The following CSMD1 variants were observed in gnomAD, a reference collection of about 807,000 sequenced individuals.
CSMD1 encodes the protein CUB and sushi domain-containing protein 1.
In CSMD1, 213 loss-of-function variants were observed where a neutral mutation model predicts 417.5. The observed-to-expected ratio is 0.51, with a 90% CI of 0.46 to 0.57. CSMD1 has a LOEUF of 0.57. CSMD1 is among the 20% of genes least tolerant of loss of function. CSMD1 has a pLI of 0.00. For synonymous variants in CSMD1, 2,862 were observed against 1,736.8 expected, an observed-to-expected ratio of 1.65 and a Z score of -16.11; for missense variants, 6,923 against 4,529.7, an observed-to-expected ratio of 1.53 and a Z score of -15.17.
chr8:3,261,129 A>G (rs1801031049), intron 26 of CSMD1, among the ~76,000 whole-genome samples: 1 of 152,204 alleles, frequency 6.6e-6, no homozygotes, highest in Admixed American at 6.5e-5. Context: ...GCATCCTTAT[A>G]AGCACACTTA....
intron 3 of CSMD1, among the ~76,000 whole-genome samples, chr8:4,368,943 TC>T (rs1802247052): frequency 1.3e-5 from 2 of 152,148 alleles, no homozygotes; most frequent in Admixed American, 1.3e-4. Flanking sequence ...TTTTAGCAGT[TC>T]AATTTCATTC....
intron 5 of CSMD1, among the ~76,000 whole-genome samples, chr8:3,955,579 T>TAA: frequency 6.6e-6 from 1 of 152,258 alleles, no homozygotes; most frequent in African/African-American, 2.4e-5. Context: ...CCATAGGAGA[T>TAA]TGGTGCTACC....
rs1806291155 is a variant in CSMD1 at position 4,919,463 on chromosome 8, A to G, written c.85+74869T>C. ...AAGGGGGATTTAATGTATATTTTCT[A>G]TTAGCCATTCCCTGGCTATTTGAAG... On this transcript the variant is annotated intron_variant, in intron 1 of 69. Coordinates refer to ENST00000635120, the MANE Select transcript of CSMD1 (RefSeq NM_033225.6). 2.0e-5 allele frequency among the ~76,000 whole-genome samples: 3 copies of G among 152,336 alleles called. 1 individual carries two copies. The South Asian group carries it at 6.2e-4, about 32-fold the overall frequency.
At chr8:3,558,240 G>C (rs1799255767) in intron 10 of CSMD1, among the ~76,000 whole-genome samples, 1 of 149,266 alleles carries the variant, frequency 6.7e-6, no homozygotes, top group South Asian at 2.1e-4. Context: ...ATGACAAATA[G>C]TGCCTCAATA....
chr8:2,979,529 C>A (rs940018286), intron 54 of CSMD1, among the ~76,000 whole-genome samples: 1 of 152,128 alleles, frequency 6.6e-6, no homozygotes, highest in Non-Finnish European at 1.5e-5. Context: ...CTTTGACCCA[C>A]CCCACCAGTG....
intron 1 of CSMD1, among the ~76,000 whole-genome samples, chr8:4,723,118 C>T (rs1319287594): frequency 6.6e-6 from 1 of 152,098 alleles, no homozygotes; most frequent in Non-Finnish European, 1.5e-5. Flanking sequence ...GACTTGTACA[C>T]CTAACACCAT....
intron 3 of CSMD1, among the ~76,000 whole-genome samples, chr8:4,137,531 A>C (rs1803511041): frequency 7.6e-6 from 1 of 132,012 alleles, no homozygotes; most frequent in African/African-American, 2.5e-5. Flanking sequence ...AGTGTTTAAT[A>C]TTCCATTTGT....
chr8:3,878,584 C>G lies in CSMD1; in HGVS notation c.818+119319G>C, dbSNP rs561691942. On this transcript the variant is annotated intron_variant, in intron 5 of 69. Transcript: ENST00000635120. Reference sequence around the variant, plus strand: ...ATAGAAAAAATTGCGTGCATTATTTCAAACATTTTTACCGATAAATCTGTA... The same window carrying G: ...ATAGAAAAAATTGCGTGCATTATTTGAAACATTTTTACCGATAAATCTGTA... Among the ~76,000 whole-genome samples the G allele has an allele frequency of 9.2e-5, 14 of 152,214 alleles. No individual in the cohort carries two copies. In the South Asian group the frequency reaches 2.3e-3, roughly 25 times the overall value.
chr8:3,496,773 C>T (rs1796381796), intron 10 of CSMD1, among the ~76,000 whole-genome samples: 1 of 151,986 alleles, frequency 6.6e-6, no homozygotes, highest in Admixed American at 6.6e-5. Flanking sequence ...TTGCAGTGAC[C>T]TGAGATCACC....
At chr8:4,658,606 C>A (rs1804385975) in intron 1 of CSMD1, among the ~76,000 whole-genome samples, 1 of 151,990 alleles carries the variant, frequency 6.6e-6, no homozygotes, top group South Asian at 2.1e-4. Context: ...ACAATGAATG[C>A]CAGTGCGGAG....
chr8:4,596,836 G>A (rs1366593008), intron 2 of CSMD1, among the ~76,000 whole-genome samples: 1 of 152,156 alleles, frequency 6.6e-6, no homozygotes, highest in African/African-American at 2.4e-5. Flanking sequence ...GGACCCAGGG[G>A]GAGGTAATTG....
intron 5 of CSMD1, among the ~76,000 whole-genome samples, chr8:3,803,483 G>A (rs1455059252): frequency 6.6e-6 from 1 of 152,154 alleles, no homozygotes; most frequent in African/African-American, 2.4e-5. Flanking sequence ...TGCTTCAGAG[G>A]CTGAATAACA....
chr8:4,546,044 C>T (rs970777882), intron 2 of CSMD1, among the ~76,000 whole-genome samples: 1 of 152,168 alleles, frequency 6.6e-6, no homozygotes, highest in Admixed American at 6.5e-5. Flanking sequence ...AGCTTCCCTC[C>T]ACTTACCACC....
chr8:4,116,759 G>T (rs1802173831), intron 3 of CSMD1, among the ~76,000 whole-genome samples: 1 of 152,010 alleles, frequency 6.6e-6, no homozygotes, highest in African/African-American at 2.4e-5. Flanking sequence ...GAGGCAGGGG[G>T]TGCGGGAAAC....
intron 7 of CSMD1, among the ~76,000 whole-genome samples, chr8:3,686,317 T>G (rs1323022330): frequency 6.6e-6 from 1 of 152,140 alleles, no homozygotes; most frequent in East Asian, 1.9e-4. Flanking sequence ...ACACTGTGAC[T>G]TTCAGGAAGC....
chr8:2,977,529 T>TGTGG (rs1332231391), intron 55 of CSMD1, among the ~76,000 whole-genome samples: 3 of 152,344 alleles, frequency 2.0e-5, no homozygotes, highest in Admixed American at 2.0e-4. Flanking sequence ...TGATTCCATG[T>TGTGG]GTGGTTATTG....
chr8:3,674,504 A>G (rs1159130913), intron 7 of CSMD1, among the ~76,000 whole-genome samples: 2 of 152,200 alleles, frequency 1.3e-5, no homozygotes, highest in Non-Finnish European at 2.9e-5. Context: ...ATTGGACAGT[A>G]TACCGTGAAT....
intron 8 of CSMD1, among the ~76,000 whole-genome samples, chr8:3,589,180 G>A (rs1217471150): frequency 2.0e-5 from 3 of 152,184 alleles, no homozygotes; most frequent in African/African-American, 7.2e-5. Flanking sequence ...AATAGTATAG[G>A]GGTTGCTGAA....
At chr8:3,237,179 C>G (rs1396572735) in intron 26 of CSMD1, among the ~76,000 whole-genome samples, 1 of 151,786 alleles carries the variant, frequency 6.6e-6, no homozygotes, top group Admixed American at 6.6e-5. Flanking sequence ...AGTCTCACAA[C>G]TTTGCAGGCC....
Sources: gnomAD v4.1 joint callset for allele counts (sites outside exome capture counted in the v4.1 genomes callset) on GRCh38, gnomAD v4.1.1 for gene constraint, MANE v1.5 for transcripts, NCBI Gene and HGNC (gene_info 2026-07-23, HGNC 2026-07-21) for gene names.